The following KNL1 variants were observed in gnomAD, a reference collection of about 807,000 sequenced individuals.
The protein encoded by KNL1 is outer kinetochore KNL1 complex subunit KNL1.
Under a neutral mutation model 201.3 loss-of-function variants are expected in KNL1, and 66 were observed. The observed-to-expected ratio is 0.33, with a 90% CI of 0.27 to 0.40. The LOEUF (loss-of-function observed/expected upper bound fraction) is 0.40. Among genes scored for constraint, KNL1 ranks in the 10% least tolerant of loss-of-function variants. KNL1 has a pLI of 1.00. For synonymous variants in KNL1, 895 were observed against 899.2 expected, an observed-to-expected ratio of 1.00 and a Z score of 0.08; for missense variants, 2,815 against 2,690.5, an observed-to-expected ratio of 1.05 and a Z score of -1.02.
chr15:40,634,832 A>G (rs1334515305), intron 13 of KNL1, among the ~76,000 whole-genome samples: 3 of 152,146 alleles, frequency 2.0e-5, no homozygotes, highest in Non-Finnish European at 4.4e-5. Context: ...TCCTTGACAA[A>G]TTGATGTTAT....
At chr15:40,658,138 C>T (rs1436025895) in intron 24 of KNL1, among the ~76,000 whole-genome samples, 12 of 151,826 alleles carry the variant, frequency 7.9e-5, no homozygotes, top group Admixed American at 1.3e-4. Context: ...TGGTGGTGGG[C>T]GCCTGTAGTC....
At chr15:40,627,083 C>T (rs1056253863) in intron 10 of KNL1, among the ~76,000 whole-genome samples, 4 of 151,826 alleles carry the variant, frequency 2.6e-5, no homozygotes, top group Non-Finnish European at 4.4e-5. Flanking sequence ...TCAGTAGAGT[C>T]AGGGTTTCAC....
Position 40,623,942 on chromosome 15 carries a change from C to T in KNL1, c.3678C>T (p.His1226=). 6.2e-7 allele frequency: 1 copy of T among 1,613,428 alleles called. No homozygotes were observed. The highest frequency in any genetic ancestry group is 1.7e-4 in the Middle Eastern group (1 of 6,060). ...ALAVGNKIVL[H]TEQKQQLFAA... ...CTGTAGGAAACAAAATAGTTCTTCA[C>T]ACCGAGCAAAAGCAACAACTCTTTG... The change falls in exon 10 of 26, where the codon CAC becomes CAT. Residue 1226 remains histidine, a synonymous_variant. Transcript: ENST00000399668.
Position 40,624,716 on chromosome 15 carries a change from C to T in KNL1, c.4452C>T (p.Pro1484=), listed in dbSNP as rs199618249. The T allele has an allele frequency of 3.1e-6, 5 of 1,613,382 alleles. No individual in the cohort carries two copies. Among genetic ancestry groups the T allele is most frequent in the Middle Eastern group, 3.3e-4 (2 of 6,054 alleles). ...SLNIIENSSA[P]ICENKPKILN... Reference sequence around the variant, plus strand: ...ATATTATAGAAAATTCCTCTGCACCCATATGTGAAAACAAGCCCAAAATAC... The same window carrying T: ...ATATTATAGAAAATTCCTCTGCACCTATATGTGAAAACAAGCCCAAAATAC... Residue 1484 remains proline (P), a synonymous_variant, in exon 10 of 26, where the codon CCC becomes CCT. Coordinates refer to ENST00000399668, the MANE Select transcript of KNL1 (RefSeq NM_144508.5).
At chr15:40,607,674 G>T (rs1892018823) in intron 4 of KNL1, among the ~76,000 whole-genome samples, 1 of 152,072 alleles carries the variant, frequency 6.6e-6, no homozygotes, top group African/African-American at 2.4e-5. Context: ...GGGAAGGAAG[G>T]TAAAAATAGT....
chr15:40,616,108 C>T (rs1232764493), intron 8 of KNL1, among the ~76,000 whole-genome samples: 1 of 148,966 alleles, frequency 6.7e-6, no homozygotes, highest in East Asian at 2.0e-4. Context: ...TAAAATTTCA[C>T]AGGCTCACTA....
intron 22 of KNL1, among the ~76,000 whole-genome samples, chr15:40,655,210 A>G (rs536446408): frequency 1.3e-3 from 197 of 152,236 alleles, no homozygotes; most frequent in African/African-American, 4.6e-3. Context: ...AGACAGGAGA[A>G]TCACTTGAAC....
chr15:40,620,523 A>G, intron 9 of KNL1, 117 bp from the exon 10 acceptor site: 1 of 610,688 alleles, frequency 1.6e-6, no homozygotes, highest in Non-Finnish European at 2.7e-6. Context: ...CATTGATTCA[A>G]GCAAACCAAC....
chr15:40,624,868 C>G lies in KNL1; in HGVS notation c.4604C>G (p.Thr1535Ser). The part of the protein sequence containing the change: ...NSDVTKQVIQ[T>S]HVNAGEAPDP... ...GACGTAACTAAGCAAGTCATTCAAA[C>G]TCATGTCAATGCTGGAGAAGCACCA... The change falls in exon 10 of 26, where the codon ACT (threonine) becomes AGT (serine). Residue 1535 changes from threonine to serine, a missense_variant. Around this residue, in one of 3 missense-constraint regions of KNL1, gnomAD observed 2,464 missense variants for 2,291.7 expected, o/e 1.08. Coordinates refer to ENST00000399668, the MANE Select transcript of KNL1 (RefSeq NM_144508.5). 1 of 1,612,598 alleles carries G rather than the reference C, an allele frequency of 6.2e-7. No individual in the cohort carries two copies. The highest frequency in any genetic ancestry group is 1.1e-5 in the South Asian group (1 of 91,044).
rs1337269116 is a variant in KNL1, at chr15:40,657,082, T to C, written c.6525T>C (p.Leu2175=). 6.2e-7 allele frequency: 1 copy of C among 1,606,766 alleles called. No homozygotes were observed. Among genetic ancestry groups the C allele is most frequent in the South Asian group, 1.1e-5 (1 of 89,446 alleles). ...APPSSLLVHK[L]IFQYVEEKES... ...CTTCCTCCCTTTTAGTTCATAAGCT[T>C]ATTTTCCAGTACGTTGAAGAAAAGG... is the stretch of plus-strand genomic sequence containing the variant. The change falls in exon 23 of 26, where the codon CTT becomes CTC. Residue 2175 remains leucine (L), a synonymous_variant. Transcript: ENST00000399668.
rs776719828 is a variant in KNL1, at chr15:40,602,940, G to C, written c.9G>C (p.Gly3=). 3 of 1,591,076 alleles carry C rather than the reference G, an allele frequency of 1.9e-6. No homozygotes were observed. In the South Asian group the frequency reaches 3.4e-5, roughly 18 times the overall value. Residue 3 remains glycine (G), a synonymous_variant, in exon 2 of 26, where the codon GGG becomes GGC. Transcript: ENST00000399668. ...AAAAGTTTTCTTCAAAAATGGATGG[G>C]GTGTCTTCAGAGGCTAATGAAGAAA... MD[G]VSSEANEEND... is the part of the protein sequence containing the mutation.
chr15:40,647,617 A>G (rs1275707845), intron 17 of KNL1, among the ~76,000 whole-genome samples: 1 of 152,212 alleles, frequency 6.6e-6, no homozygotes, highest in Non-Finnish European at 1.5e-5. Context: ...AATTTATCTC[A>G]GTTTGAAAAC....
At chr15:40,634,440 T>G (rs1334287393) in intron 13 of KNL1, among the ~76,000 whole-genome samples, 1 of 152,220 alleles carries the variant, frequency 6.6e-6, no homozygotes, top group Non-Finnish European at 1.5e-5. Context: ...AATTGTATAC[T>G]TAAATGGATG....
chr15:40,651,980 A>G (rs773759039), intron 20 of KNL1, 25 bp from the exon 21 acceptor site: 10 of 1,564,836 alleles, frequency 6.4e-6, no homozygotes, highest in Non-Finnish European at 8.8e-6. Context: ...AACGCTTTTT[A>G]AAAATCTTGT....
At chr15:40,601,601 G>A (rs968231549) in intron 1 of KNL1, among the ~76,000 whole-genome samples, 16 of 151,980 alleles carry the variant, frequency 1.1e-4, no homozygotes, top group African/African-American at 3.9e-4. Flanking sequence ...GGAGGCCGAG[G>A]CGGGTGGATC....
In KNL1 at chr15:40,657,441, T is replaced by C. The variant is rs752132382; in HGVS notation, c.6681T>C (p.Tyr2227=). The C allele has an allele frequency of 6.4e-7, 1 of 1,562,158 alleles. No individual in the cohort carries two copies. Among genetic ancestry groups the C allele is most frequent in the Admixed American group, 1.7e-5 (1 of 59,960 alleles). Residue 2227 remains tyrosine (Y), a synonymous_variant, in exon 24 of 26, where the codon TAT becomes TAC. Coordinates refer to ENST00000399668, the MANE Select transcript of KNL1 (RefSeq NM_144508.5). ...ATTTAAAGAGATGGGGACCAAATTA[T>C]AACCTAATGAACATAGATATTAATA... The part of the protein sequence containing the change: ...IEYLKRWGPN[Y]NLMNIDINNN...
Position 40,641,003 on chromosome 15 carries a change from A to G in KNL1, c.5774A>G (p.Glu1925Gly). 2 of 1,610,836 alleles carry G rather than the reference A, an allele frequency of 1.2e-6. No homozygotes were observed. Among genetic ancestry groups the G allele is most frequent in the Non-Finnish European group, 8.5e-7 (1 of 1,178,180 alleles). The change falls in exon 14 of 26, where the codon GAG becomes GGG. Residue 1925 changes from glutamate (E) to glycine (G), a missense_variant. Glu to Gly is a moderately conservative substitution (Grantham distance 98). Around this residue, in one of 3 missense-constraint regions of KNL1, gnomAD observed 2,464 missense variants for 2,291.7 expected, o/e 1.08. Coordinates refer to ENST00000399668, the MANE Select transcript of KNL1 (RefSeq NM_144508.5). ...PKIQIYREDC[E>G]ARRQKIEELK... ...ATACAGATTTATAGAGAAGATTGTGAGGCTCGTCGCCAAAAGATTGAAGAG... is the reference window on the plus strand; with the variant it reads ...ATACAGATTTATAGAGAAGATTGTGGGGCTCGTCGCCAAAAGATTGAAGAG...
rs1250328710 is a variant in KNL1, at chr15:40,594,321, C to A, written c.-89C>A. On this transcript the variant is annotated 5_prime_UTR_variant, in exon 1 of 26. Transcript: ENST00000399668. ...CTAGAGGCGGCTGTCTGTTTCCGCTCTAAGGAAACTCAGAGCGTGTGGACC... is the reference window on the plus strand; with the variant it reads ...CTAGAGGCGGCTGTCTGTTTCCGCTATAAGGAAACTCAGAGCGTGTGGACC... 6.6e-6 allele frequency: 1 copy of A among 152,272 alleles called. No homozygotes were observed. The highest frequency in any genetic ancestry group is 2.4e-5 in the African/African-American group (1 of 41,458). The allele number at this position is 152,272 out of a possible 1,614,324, so 9.4% of individuals were successfully genotyped here. A position where few individuals can be genotyped will look rare whatever the true frequency, so the allele number is the denominator to read the frequency against.
In KNL1 at chr15:40,629,358, A is replaced by G. The variant is rs765915131; in HGVS notation, c.5669A>G (p.Asn1890Ser). ...HILIQKPRQS[N>S]LPGNFTVNTP... is the part of the protein sequence containing the mutation. ...TTGATACAGAAACCCCGACAGAGCAATCTCCCAGGCAATGTAAGTGCAGTT... is the reference window on the plus strand; with the variant it reads ...TTGATACAGAAACCCCGACAGAGCAGTCTCCCAGGCAATGTAAGTGCAGTT... The change falls in exon 13 of 26, where the codon AAT becomes AGT. Residue 1890 changes from asparagine to serine, a missense_variant. Physicochemically the swap from Asn to Ser is conservative, Grantham distance 46. Coordinates refer to ENST00000399668, the MANE Select transcript of KNL1 (RefSeq NM_144508.5). The G allele has an allele frequency of 6.2e-7, 1 of 1,602,724 alleles. No individual in the cohort carries two copies. The highest frequency in any genetic ancestry group is 8.5e-7 in the Non-Finnish European group (1 of 1,176,636).
Sources: allele counts gnomAD v4.1 joint callset (sites outside exome capture counted in the v4.1 genomes callset), GRCh38; gene constraint gnomAD v4.1.1; regional missense constraint gnomAD v4.1.1; transcripts MANE v1.5; gene names NCBI Gene and HGNC (gene_info 2026-07-23, HGNC 2026-07-21).